ZCCHC7: variants seen among roughly 807,000 people sequenced by gnomAD.
ZCCHC7 encodes zinc finger CCHC domain-containing protein 7.
In ZCCHC7, 35 loss-of-function variants were observed where a neutral mutation model predicts 52.0. That is an observed-to-expected ratio of 0.67 (90% CI 0.51 to 0.89). The LOEUF is 0.89. Among genes scored for constraint, ZCCHC7 ranks in the 40% least tolerant of loss-of-function variants. The pLI, the probability that ZCCHC7 is intolerant of heterozygous loss-of-function variation, is 0.00. For synonymous variants in ZCCHC7, 217 were observed against 221.5 expected, an observed-to-expected ratio of 0.98 and a Z score of 0.18; for missense variants, 574 against 649.1, an observed-to-expected ratio of 0.88 and a Z score of 1.26.
At chr9:37,189,524 T>C (rs1410427792) in intron 2 of ZCCHC7, among the ~76,000 whole-genome samples, 1 of 152,102 alleles carries the variant, frequency 6.6e-6, no homozygotes, top group African/African-American at 2.4e-5. Flanking sequence ...GTAGCTAGGA[T>C]TACAGGTGCA....
chr9:37,125,692 A>G (rs1049970330), intron 1 of ZCCHC7, among the ~76,000 whole-genome samples: 1 of 152,248 alleles, frequency 6.6e-6, no homozygotes, highest in Non-Finnish European at 1.5e-5. Context: ...TTGTTTTAAC[A>G]TTTTGGAAAG....
Position 37,304,250 on chromosome 9 carries a change from A to G in ZCCHC7, c.717A>G (p.Lys239=), listed in dbSNP as rs1454363153. The change falls in exon 4 of 9, where the codon AAA becomes AAG. Residue 239 remains lysine (K), a synonymous_variant. Coordinates refer to ENST00000336755, the MANE Select transcript of ZCCHC7 (RefSeq NM_032226.3). ...RWTQRYYSAN[K]NIICRNCDKR... is the part of the protein sequence containing the mutation. Reference sequence around the variant, plus strand: ...CCCAGCGGTACTATTCAGCCAACAAAAACATTATCTGTAGAAATTGTGACA... The same window carrying G: ...CCCAGCGGTACTATTCAGCCAACAAGAACATTATCTGTAGAAATTGTGACA... The G allele has an allele frequency of 4.3e-6, 7 of 1,614,004 alleles. No homozygotes were observed. In the East Asian group the frequency reaches 1.6e-4, roughly 36 times the overall value.
chr9:37,273,428 G>A (rs74783760), intron 2 of ZCCHC7, among the ~76,000 whole-genome samples: 2 of 152,182 alleles, frequency 1.3e-5, no homozygotes, highest in Non-Finnish European at 2.9e-5. Flanking sequence ...GCGTGAACCT[G>A]GGAGGTGGAG....
chr9:37,175,562 C>T (rs529525354), intron 2 of ZCCHC7, among the ~76,000 whole-genome samples: 1 of 152,114 alleles, frequency 6.6e-6, no homozygotes, highest in African/African-American at 2.4e-5. Context: ...CACACCGCAG[C>T]CCATCTCTAC....
intron 2 of ZCCHC7, 29 bp downstream of exon 2, chr9:37,126,971 T>G (rs775440219): frequency 6.2e-7 from 1 of 1,602,428 alleles, no homozygotes; most frequent in Non-Finnish European, 8.5e-7. Context: ...ATTTTGAAAG[T>G]AGTATCATCT....
intron 2 of ZCCHC7, among the ~76,000 whole-genome samples, chr9:37,225,683 A>G (rs904864801): frequency 6.6e-6 from 1 of 152,360 alleles, no homozygotes. Flanking sequence ...AACAGGAAAA[A>G]AATGTTTTCC....
At chr9:37,293,084 T>C (rs1828614271) in intron 2 of ZCCHC7, among the ~76,000 whole-genome samples, 1 of 152,182 alleles carries the variant, frequency 6.6e-6, no homozygotes, top group African/African-American at 2.4e-5. Context: ...TTATGCCCAT[T>C]TCAAGTGGAG....
intron 2 of ZCCHC7, among the ~76,000 whole-genome samples, chr9:37,178,137 C>A (rs148903879): frequency 6.6e-6 from 1 of 152,122 alleles, no homozygotes; most frequent in East Asian, 1.9e-4. Context: ...TAAACCTAGC[C>A]AGTAATGGTG....
In ZCCHC7 at chr9:37,251,529, T is replaced by G. The variant is rs1182069036; in HGVS notation, c.611-50659T>G. ...TCCTTGTGTTGAGCAGTATCAGACATCACCTTTCTTGGGGGCAGTTAGTCC... is the reference window on the plus strand; with the variant it reads ...TCCTTGTGTTGAGCAGTATCAGACAGCACCTTTCTTGGGGGCAGTTAGTCC... On this transcript the variant is annotated intron_variant, in intron 2 of 8. Transcript: ENST00000336755. Among the ~76,000 whole-genome samples, 8 of 152,350 alleles carry G rather than the reference T, an allele frequency of 5.3e-5. No individual in the cohort carries two copies. The East Asian group carries it at 1.5e-3, about 29-fold the overall frequency.
At chr9:37,233,621 G>C (rs966391156) in intron 2 of ZCCHC7, among the ~76,000 whole-genome samples, 1 of 152,156 alleles carries the variant, frequency 6.6e-6, no homozygotes. Context: ...GTAAGGTCAA[G>C]TAACCATTAA....
chr9:37,291,301 G>A (rs543282372), intron 2 of ZCCHC7, among the ~76,000 whole-genome samples: 1 of 152,152 alleles, frequency 6.6e-6, no homozygotes, highest in East Asian at 1.9e-4. Flanking sequence ...ATTTTTCAGT[G>A]GATATTGGTA....
chr9:37,278,621 A>G (rs1178455251), intron 2 of ZCCHC7, among the ~76,000 whole-genome samples: 1 of 152,234 alleles, frequency 6.6e-6, no homozygotes, highest in African/African-American at 2.4e-5. Context: ...ATTTAGTGAA[A>G]GATGTAATTG....
intron 2 of ZCCHC7, among the ~76,000 whole-genome samples, chr9:37,261,989 G>T (rs560021940): frequency 6.6e-6 from 1 of 152,188 alleles, no homozygotes; most frequent in Admixed American, 6.5e-5. Flanking sequence ...AAAGATTTCA[G>T]CCTATAAGGA....
chr9:37,212,450 A>G (rs1472564395), intron 2 of ZCCHC7, among the ~76,000 whole-genome samples: 1 of 152,226 alleles, frequency 6.6e-6, no homozygotes, highest in Non-Finnish European at 1.5e-5. Context: ...AAAAGAGCAG[A>G]TCTTTAAAAA....
chr9:37,130,926 A>G (rs976414223), intron 2 of ZCCHC7, among the ~76,000 whole-genome samples: 4 of 147,466 alleles, frequency 2.7e-5, no homozygotes, highest in African/African-American at 1.1e-4. Flanking sequence ...GACAATAAAT[A>G]CATACATATT....
chr9:37,154,808 CCT>C (rs1338886406), intron 2 of ZCCHC7, among the ~76,000 whole-genome samples: 1 of 151,884 alleles, frequency 6.6e-6, no homozygotes, highest in Non-Finnish European at 1.5e-5. Context: ...ATTAGAGAGT[CCT>C]GATCTCAGTT....
At position 37,354,580 on chromosome 9, in the gene ZCCHC7, T is replaced by G; in HGVS notation, c.1084-130T>G. 1 of 624,276 alleles carries G rather than the reference T, an allele frequency of 1.6e-6. No homozygotes were observed. The highest frequency in any genetic ancestry group is 2.8e-6 in the Non-Finnish European group (1 of 358,316). 38.7% of individuals were successfully genotyped at this position (624,276 alleles called of 1,614,324 possible). On this transcript the variant is annotated intron_variant, in intron 7 of 8. Transcript: ENST00000336755. This position sits in a 1 kb window ranked among gnomAD's most constrained non-coding sequence, Gnocchi z 4.0. Reference sequence around the variant, plus strand: ...CCTCCCAACACCCCAGCAAGGACCATATCCTACAGCCACCACATGAGGTAC... The same window carrying G: ...CCTCCCAACACCCCAGCAAGGACCAGATCCTACAGCCACCACATGAGGTAC...
chr9:37,231,634 T>C (rs768117373), intron 2 of ZCCHC7, among the ~76,000 whole-genome samples: 5 of 152,202 alleles, frequency 3.3e-5, no homozygotes, highest in Non-Finnish European at 5.9e-5. Context: ...AATTTTGTGG[T>C]AGAGGAAGTG....
At chr9:37,303,587 A>T (rs1829143428) in intron 3 of ZCCHC7, among the ~76,000 whole-genome samples, 1 of 148,992 alleles carries the variant, frequency 6.7e-6, no homozygotes, top group African/African-American at 2.5e-5. Flanking sequence ...AAGACTCAGC[A>T]GGCGGGAGGG....
Sources: allele counts gnomAD v4.1 joint callset (sites outside exome capture counted in the v4.1 genomes callset), GRCh38; gene constraint gnomAD v4.1.1; non-coding constraint Gnocchi (gnomAD v3.1); transcripts MANE v1.5; gene names NCBI Gene and HGNC (gene_info 2026-07-23, HGNC 2026-07-21).